Variants in RALGAPA2 observed in about 807,000 individuals in gnomAD.
RALGAPA2 encodes Ral GTPase activating protein catalytic subunit alpha 2, also known as ral GTPase-activating protein subunit alpha-2.
RALGAPA2 carries 139 observed loss-of-function variants against 230.4 expected under a neutral mutation model. The ratio of observed to expected loss-of-function variants is 0.60; its 90% confidence interval spans 0.53 to 0.69. The LOEUF is 0.69. Among genes scored for constraint, RALGAPA2 ranks in the 30% least tolerant of loss-of-function variants. The probability of loss-of-function intolerance (pLI) is 0.00; values close to 1 mark genes in which losing one functional copy is unlikely to be tolerated. For missense variants in RALGAPA2, 2,163 were observed against 2,276.0 expected (o/e 0.95, Z 1.01); for synonymous variants, 847 against 837.8 (o/e 1.01, Z -0.19).
At chr20:20,660,703 G>A (rs1192067675) in intron 3 of RALGAPA2, among the ~76,000 whole-genome samples, 1 of 152,076 alleles carries the variant, frequency 6.6e-6, no homozygotes, top group South Asian at 2.1e-4. Context: ...CTGTGTTCAC[G>A]ATCATGCATA....
chr20:20,696,807 C>A (rs1023645169), intron 1 of RALGAPA2, among the ~76,000 whole-genome samples: 1 of 152,172 alleles, frequency 6.6e-6, no homozygotes, highest in South Asian at 2.1e-4. Flanking sequence ...CCTTCCCTCA[C>A]CCCAATATCT....
chr20:20,709,273 G>A (rs1205280196), intron 1 of RALGAPA2, among the ~76,000 whole-genome samples: 1 of 151,840 alleles, frequency 6.6e-6, no homozygotes. Context: ...GAGCCAAGAC[G>A]GCACCACTGC....
chr20:20,653,416 C>T (rs2067478766), intron 4 of RALGAPA2, 114 bp downstream of exon 4: 2 of 662,344 alleles, frequency 3.0e-6, no homozygotes, highest in Middle Eastern at 7.1e-4. Flanking sequence ...AATACCATAC[C>T]CTTATTAATA....
intron 3 of RALGAPA2, among the ~76,000 whole-genome samples, chr20:20,670,431 C>T (rs1307490337): frequency 6.6e-6 from 1 of 152,164 alleles, no homozygotes; most frequent in East Asian, 1.9e-4. Flanking sequence ...TCCAACATTT[C>T]ATTCATAAAA....
rs911773667 is a variant in RALGAPA2, at chr20:20,391,143, A to T, written c.*2146T>A. 14 of 152,206 alleles carry T rather than the reference A, an allele frequency of 9.2e-5. No homozygotes were observed. The highest frequency in any genetic ancestry group is 3.4e-4 in the African/African-American group (14 of 41,464). The allele number at this position is 152,206 out of a possible 1,614,324, so 9.4% of individuals were successfully genotyped here. A position where few individuals can be genotyped will look rare whatever the true frequency, so the allele number is the denominator to read the frequency against. ...AGAGGCGACCTGCTGGTAGAGACCT[A>T]CAGGGGACTCTGGAGCCTAGGAGCA... On this transcript the variant is annotated 3_prime_UTR_variant, in exon 40 of 40. Coordinates refer to ENST00000202677, the MANE Select transcript of RALGAPA2 (RefSeq NM_020343.4).
chr20:20,666,679 C>A (rs948419415), intron 3 of RALGAPA2, among the ~76,000 whole-genome samples: 1 of 152,158 alleles, frequency 6.6e-6, no homozygotes, highest in African/African-American at 2.4e-5. Context: ...AAATATGATT[C>A]TGCCACCTTG....
At chr20:20,394,888 G>GC (rs1491373510) in intron 39 of RALGAPA2, among the ~76,000 whole-genome samples, 4 of 2,534 alleles carry the variant, frequency 1.6e-3, no homozygotes, top group African/African-American at 4.9e-3. Flanking sequence ...TAATAAATAA[G>GC]CAAAAAAAAA....
chr20:20,485,144 C>T (rs1274329513), intron 36 of RALGAPA2, among the ~76,000 whole-genome samples: 3 of 151,630 alleles, frequency 2.0e-5, no homozygotes, highest in African/African-American at 7.3e-5. Context: ...CCAATGTGGC[C>T]CTTGGGATGC....
At chr20:20,668,207 A>G (rs918535372) in intron 3 of RALGAPA2, among the ~76,000 whole-genome samples, 5 of 152,194 alleles carry the variant, frequency 3.3e-5, no homozygotes, top group African/African-American at 1.2e-4. Flanking sequence ...GTTTGAGACC[A>G]GCCTGACCAA....
intron 36 of RALGAPA2, among the ~76,000 whole-genome samples, chr20:20,478,250 T>C (rs1048279477): frequency 6.6e-6 from 1 of 152,200 alleles, no homozygotes; most frequent in Non-Finnish European, 1.5e-5. Context: ...TTATAACTTA[T>C]ACCTTATAGC....
At chr20:20,603,911 C>T (rs934575263) in intron 15 of RALGAPA2, among the ~76,000 whole-genome samples, 10 of 152,040 alleles carry the variant, frequency 6.6e-5, no homozygotes, top group Non-Finnish European at 1.5e-4. Flanking sequence ...CAGTGTGTAC[C>T]CTTTAAGAAG....
At chr20:20,589,663 C>T (rs1325227001) in intron 17 of RALGAPA2, among the ~76,000 whole-genome samples, 2 of 151,914 alleles carry the variant, frequency 1.3e-5, no homozygotes. Flanking sequence ...TTCCTGGGGT[C>T]TTGGGGAAGG....
intron 24 of RALGAPA2, among the ~76,000 whole-genome samples, chr20:20,542,124 C>A (rs1158013244): frequency 6.6e-6 from 1 of 152,114 alleles, no homozygotes; most frequent in African/African-American, 2.4e-5. Flanking sequence ...AATAGACAAG[C>A]AGGGAGCCAA....
intron 3 of RALGAPA2, among the ~76,000 whole-genome samples, chr20:20,673,194 AAAAAATAAAAAT>A (rs898612353): frequency 3.3e-5 from 5 of 151,624 alleles, no homozygotes; most frequent in African/African-American, 7.2e-5. Context: ...TTAAAAAAAT[AAAAAATAAAAAT>A]AAAAATAAAA....
At chr20:20,702,039 C>CAATA (rs2069398186) in intron 1 of RALGAPA2, among the ~76,000 whole-genome samples, 5 of 137,944 alleles carry the variant, frequency 3.6e-5, no homozygotes, top group African/African-American at 1.4e-4. Context: ...GACTCCATCT[C>CAATA]AATAAAAAAA....
In RALGAPA2 at chr20:20,558,073, C is replaced by T. The variant is rs553027424; in HGVS notation, c.3157-11241G>A. ...AGGCTGGAGTGCAGTGGCGCAATCT[C>T]GGCTCACTGCAACCTCCACCTCCTA... On this transcript the variant is annotated intron_variant, in intron 23 of 39. Transcript: ENST00000202677. Among the ~76,000 whole-genome samples the T allele has an allele frequency of 1.6e-3, 239 of 152,142 alleles. 1 individual carries two copies. The highest frequency in any genetic ancestry group is 5.4e-3 in the African/African-American group (226 of 41,504).
chr20:20,485,119 A>C (rs1251031922), intron 36 of RALGAPA2, among the ~76,000 whole-genome samples: 1 of 151,328 alleles, frequency 6.6e-6, no homozygotes, highest in African/African-American at 2.4e-5. Flanking sequence ...TGTGTGGCCC[A>C]AGATAATTCT....
chr20:20,530,871 C>T (rs749623091), intron 27 of RALGAPA2, among the ~76,000 whole-genome samples: 5 of 152,146 alleles, frequency 3.3e-5, no homozygotes, highest in South Asian at 4.1e-4. Context: ...CTCAGCACAG[C>T]GCCTGGCAGA....
At chr20:20,509,545 G>C (rs1241202383) in intron 33 of RALGAPA2, among the ~76,000 whole-genome samples, 2 of 152,198 alleles carry the variant, frequency 1.3e-5, no homozygotes, top group Non-Finnish European at 2.9e-5. Context: ...TCTGCAGAGG[G>C]AATCAGGTTT....
Sources: gnomAD v4.1 joint callset for allele counts (sites outside exome capture counted in the v4.1 genomes callset) on GRCh38, gnomAD v4.1.1 for gene constraint, MANE v1.5 for transcripts, NCBI Gene and HGNC (gene_info 2026-07-23, HGNC 2026-07-21) for gene names.